The following ZNF385D variants were observed in gnomAD, a reference collection of about 807,000 sequenced individuals.
ZNF385D encodes zinc finger protein 385D.
Under a neutral mutation model 35.8 loss-of-function variants are expected in ZNF385D, and 15 were observed. That is an observed-to-expected ratio of 0.42 (90% CI 0.28 to 0.64). ZNF385D has a LOEUF of 0.64. Ranked by LOEUF, ZNF385D falls within the 30% of genes least tolerant of loss-of-function variation. The pLI is 0.23. For missense variants in ZNF385D, 474 were observed against 494.6 expected (o/e 0.96, Z 0.39); for synonymous variants, 212 against 186.8 (o/e 1.13, Z -1.10).
chr3:22,093,198 A>G (rs951030610), intron 3 of ZNF385D, among the ~76,000 whole-genome samples: 4 of 152,176 alleles, frequency 2.6e-5, no homozygotes, highest in African/African-American at 7.2e-5. Context: ...TAAATCACTT[A>G]GTTTTAAGAC....
chr3:21,851,316 T>C (rs1334215406), intron 3 of ZNF385D, among the ~76,000 whole-genome samples: 1 of 152,064 alleles, frequency 6.6e-6, no homozygotes, highest in Non-Finnish European at 1.5e-5. Context: ...AACTCTCACA[T>C]TGCTAGTAAG....
intron 3 of ZNF385D, among the ~76,000 whole-genome samples, chr3:22,157,257 C>G (rs1007313482): frequency 1.3e-5 from 2 of 152,036 alleles, no homozygotes; most frequent in African/African-American, 4.8e-5. Context: ...GTATCTAAAT[C>G]ATAAAATAAG....
intron 3 of ZNF385D, among the ~76,000 whole-genome samples, chr3:21,796,073 G>GGAGA (rs2072137462): frequency 6.6e-6 from 1 of 152,140 alleles, no homozygotes; most frequent in African/African-American, 2.4e-5. Flanking sequence ...TTGGCATTTG[G>GGAGA]ATCTCGACAC....
intron 3 of ZNF385D, among the ~76,000 whole-genome samples, chr3:21,945,105 T>C (rs1254648566): frequency 6.6e-6 from 1 of 151,976 alleles, no homozygotes; most frequent in African/African-American, 2.4e-5. Flanking sequence ...AATGTGTGTG[T>C]GTGTGCATGT....
intron 3 of ZNF385D, among the ~76,000 whole-genome samples, chr3:22,081,880 T>C (rs575512832): frequency 6.6e-6 from 1 of 152,174 alleles, no homozygotes; most frequent in Non-Finnish European, 1.5e-5. Flanking sequence ...CTTGTTATAG[T>C]ATATAAATGA....
At chr3:21,987,868 C>A (rs1036067994) in intron 3 of ZNF385D, among the ~76,000 whole-genome samples, 1 of 138,058 alleles carries the variant, frequency 7.2e-6, no homozygotes, top group Non-Finnish European at 1.6e-5. Flanking sequence ...TTGCTCATTT[C>A]TTTTTATTCT....
intron 2 of ZNF385D, among the ~76,000 whole-genome samples, chr3:22,179,730 G>A (rs370379037): frequency 6.6e-6 from 1 of 152,098 alleles, no homozygotes; most frequent in East Asian, 1.9e-4. Context: ...GAAGTTCTTT[G>A]AAACCAATGA....
At chr3:22,335,806 A>G (rs1192600306) in intron 2 of ZNF385D, among the ~76,000 whole-genome samples, 2 of 152,156 alleles carry the variant, frequency 1.3e-5, no homozygotes, top group African/African-American at 4.8e-5. Flanking sequence ...AAAAAAATTA[A>G]TTTTAAAATA....
chr3:22,234,537 T>C (rs1699071457), intron 2 of ZNF385D, among the ~76,000 whole-genome samples: 1 of 152,044 alleles, frequency 6.6e-6, no homozygotes, highest in African/African-American at 2.4e-5. Flanking sequence ...CTGAAAAGCA[T>C]CCCACCATAA....
At chr3:22,278,189 G>A (rs370116584) in intron 2 of ZNF385D, among the ~76,000 whole-genome samples, 3 of 151,992 alleles carry the variant, frequency 2.0e-5, no homozygotes, top group Admixed American at 6.6e-5. Context: ...CATTTAATAC[G>A]TTAAGTTTAA....
Position 21,922,676 on chromosome 3 carries a change from A to G in ZNF385D, c.325+246141T>C, listed in dbSNP as rs960502612. Among the ~76,000 whole-genome samples the G allele has an allele frequency of 4.6e-5, 7 of 152,194 alleles. No individual in the cohort carries two copies. In the East Asian group the frequency reaches 5.8e-4, roughly 13 times the overall value. Reference sequence around the variant, plus strand: ...AGATTTAAATGTAAGACCTCAAACCATAAGAATCCGAGAAGAAAACCTAGG... The same window carrying G: ...AGATTTAAATGTAAGACCTCAAACCGTAAGAATCCGAGAAGAAAACCTAGG... On this transcript the variant is annotated intron_variant, in intron 3 of 5. Coordinates refer to the ZNF385D transcript ENST00000494108.
intron 2 of ZNF385D, among the ~76,000 whole-genome samples, chr3:21,600,438 G>A (rs1275276618): frequency 1.3e-5 from 2 of 152,086 alleles, no homozygotes; most frequent in Non-Finnish European, 2.9e-5. Flanking sequence ...AAGGTTAAAC[G>A]ATGCCTCTCA....
In ZNF385D at chr3:21,453,413, C is replaced by T. The variant is rs893562270; in HGVS notation, c.440-16210G>A. Among the ~76,000 whole-genome samples the T allele has an allele frequency of 7.3e-5, 11 of 151,662 alleles. No homozygotes were observed. The East Asian group carries it at 1.5e-3, about 21-fold the overall frequency. On this transcript the variant is annotated intron_variant, in intron 4 of 7. Coordinates refer to ENST00000281523, the MANE Select transcript of ZNF385D (RefSeq NM_024697.3). ...TTTTTTCGTGTGTAAAAAAACACTA[C>T]CAAAAAGTGAGAAAACAATCCATTA... is the stretch of plus-strand genomic sequence containing the variant.
intron 2 of ZNF385D, among the ~76,000 whole-genome samples, chr3:21,619,251 C>T (rs1430062010): frequency 6.6e-6 from 1 of 152,130 alleles, no homozygotes; most frequent in Non-Finnish European, 1.5e-5. Flanking sequence ...TCTCTCATCT[C>T]CTCGCATGGC....
upstream of ZNF385D, among the ~76,000 whole-genome samples, chr3:21,753,595 C>T (rs1232587485): frequency 1.3e-5 from 2 of 152,240 alleles, no homozygotes; most frequent in East Asian, 1.9e-4. Context: ...AAGATATGTG[C>T]CCCTCTTCCC....
chr3:22,106,523 T>G (rs779179), intron 3 of ZNF385D, among the ~76,000 whole-genome samples: 82,880 of 151,880 alleles, frequency 0.55, 23,220 homozygotes, highest in African/African-American at 0.61. Context: ...CTGTCTTCTT[T>G]CCAGATATGA....
chr3:22,123,485 T>C (rs910848776), intron 3 of ZNF385D, among the ~76,000 whole-genome samples: 2 of 152,144 alleles, frequency 1.3e-5, no homozygotes, highest in Non-Finnish European at 1.5e-5. Flanking sequence ...ACCTCAAGCA[T>C]TTATCATTTC....
chr3:22,215,581 C>G (rs761490649), intron 2 of ZNF385D, among the ~76,000 whole-genome samples: 42 of 151,920 alleles, frequency 2.8e-4, no homozygotes, highest in Admixed American at 2.7e-3. Context: ...TGTCTGCTCT[C>G]AAACCCTGTC....
chr3:22,317,978 G>A (rs1308614606), intron 2 of ZNF385D, among the ~76,000 whole-genome samples: 1 of 151,906 alleles, frequency 6.6e-6, no homozygotes, highest in Admixed American at 6.6e-5. Flanking sequence ...AGGATCACAT[G>A]AGCTCAGGAG....
Sources: allele counts gnomAD v4.1 joint callset (sites outside exome capture counted in the v4.1 genomes callset), GRCh38; gene constraint gnomAD v4.1.1; transcripts MANE v1.5; gene names NCBI Gene and HGNC (gene_info 2026-07-23, HGNC 2026-07-21).